Variants in CBFB observed in about 807,000 individuals in gnomAD.
The protein encoded by CBFB is CBF-beta.
Under a neutral mutation model 30.4 loss-of-function variants are expected in CBFB, and 9 were observed. The ratio of observed to expected loss-of-function variants is 0.30; its 90% CI spans 0.18 to 0.52. CBFB has a LOEUF of 0.52. CBFB is among the 20% of genes least tolerant of loss of function. The pLI is 0.97. For missense variants in CBFB, 170 were observed against 244.0 expected, an observed-to-expected ratio of 0.70 and a Z score of 2.02; for synonymous variants, 94 against 84.0, an observed-to-expected ratio of 1.12 and a Z score of -0.65.
At chr16:67,063,322 A>G (rs938430881) in intron 3 of CBFB, among the ~76,000 whole-genome samples, 1 of 152,122 alleles carries the variant, frequency 6.6e-6, no homozygotes, top group African/African-American at 2.4e-5. Context: ...TATTTTGGTT[A>G]TTTTCCAATA....
chr16:67,063,448 T>G lies in CBFB; in HGVS notation c.283-3234T>G, dbSNP rs144722528. ...AGGAAAGCATAAATTTTTATTTATT[T>G]TTTATTTTTTTGAGACAGAGTCTTG... On this transcript the variant is annotated intron_variant, in intron 3 of 5. Coordinates refer to ENST00000412916, the MANE Select transcript of CBFB (RefSeq NM_022845.3). Among the ~76,000 whole-genome samples the G allele has an allele frequency of 3.1e-3, 467 of 152,180 alleles. 7 individuals carry two copies. The highest frequency in any genetic ancestry group is 0.011 in the African/African-American group (440 of 41,470).
At position 67,029,436 on chromosome 16, in the gene CBFB, G is replaced by A. The variant is rs1966289958; in HGVS notation, c.29G>A (p.Ser10Asn). 1 of 1,588,372 alleles carries A rather than the reference G, an allele frequency of 6.3e-7. No homozygotes were observed. Among genetic ancestry groups the A allele is most frequent in the South Asian group, 1.1e-5 (1 of 87,984 alleles). MPRVVPDQRSKFENEEFFRK... is the reference protein window; with the variant it reads MPRVVPDQRNKFENEEFFRK... ...CCGCGCGTCGTGCCCGACCAGAGAA[G>A]CAAGTTCGAGAACGAGGAGTTTTTT... is the stretch of plus-strand genomic sequence containing the variant. The change falls in exon 1 of 6, where the codon AGC (serine) becomes AAC (asparagine). Residue 10 changes from serine to asparagine, a missense_variant. By Grantham distance (46) the Ser-to-Asn change is conservative (BLOSUM62 1). Transcript: ENST00000412916.
intron 3 of CBFB, among the ~76,000 whole-genome samples, chr16:67,065,544 T>C (rs114418642): frequency 0.036 from 5,547 of 152,282 alleles, 150 homozygotes; most frequent in South Asian, 0.078. Flanking sequence ...TTTTTTATTT[T>C]TATTTTTTTA....
chr16:67,060,008 T>C (rs1344177248), intron 3 of CBFB, among the ~76,000 whole-genome samples: 2 of 151,610 alleles, frequency 1.3e-5, no homozygotes, highest in Non-Finnish European at 2.9e-5. Context: ...AGAGTTTCGC[T>C]CTATATCCCA....
At chr16:67,076,156 G>A (rs1254540789) in intron 4 of CBFB, among the ~76,000 whole-genome samples, 1 of 152,118 alleles carries the variant, frequency 6.6e-6, no homozygotes, top group Non-Finnish European at 1.5e-5. Context: ...CTTGGACCCG[G>A]GAGGCAGAGG....
At chr16:67,074,602 C>T (rs1391358292) in intron 4 of CBFB, among the ~76,000 whole-genome samples, 1 of 151,968 alleles carries the variant, frequency 6.6e-6, no homozygotes, top group Middle Eastern at 3.2e-3. Context: ...ACGCTGGTCT[C>T]GATCTCTTGA....
At chr16:67,082,638 T>G (rs1005158129) in intron 5 of CBFB, among the ~76,000 whole-genome samples, 1 of 152,176 alleles carries the variant, frequency 6.6e-6, no homozygotes, top group African/African-American at 2.4e-5. Flanking sequence ...CAGCTTATGT[T>G]AACAGATTGC....
At chr16:67,072,857 A>C (rs1029983467) in intron 4 of CBFB, among the ~76,000 whole-genome samples, 15 of 151,812 alleles carry the variant, frequency 9.9e-5, no homozygotes, top group African/African-American at 3.1e-4. Context: ...TACAGCCTCA[A>C]GCTCCTGCCG....
chr16:67,036,795 GT>G (rs1966446222), intron 3 of CBFB, 40 bp downstream of exon 3: 1 of 1,118,942 alleles, frequency 8.9e-7, no homozygotes, highest in African/African-American at 1.5e-5. Flanking sequence ...ACTGTGGGTT[GT>G]TTTGTTAGAG....
intron 3 of CBFB, among the ~76,000 whole-genome samples, chr16:67,059,989 T>G (rs956289115): frequency 3.4e-5 from 5 of 149,030 alleles, no homozygotes; most frequent in Non-Finnish European, 7.4e-5. Flanking sequence ...TTTTTTTTTT[T>G]GTTGAGACAG....
chr16:67,098,454 T>G (rs1962119367), intron 5 of CBFB, among the ~76,000 whole-genome samples: 1 of 152,208 alleles, frequency 6.6e-6, no homozygotes, highest in Admixed American at 6.5e-5. Flanking sequence ...TGTTGTTATT[T>G]CTTATGTAGT....
chr16:67,034,450 T>C lies in CBFB; in HGVS notation c.166-2189T>C, dbSNP rs144511668. Among the ~76,000 whole-genome samples, 32 of 152,336 alleles carry C rather than the reference T, an allele frequency of 2.1e-4. 2 individuals are homozygous for C. The East Asian group carries it at 6.0e-3, about 28-fold the overall frequency. On this transcript the variant is annotated intron_variant, in intron 2 of 5. Coordinates refer to ENST00000412916, the MANE Select transcript of CBFB (RefSeq NM_022845.3). ...TTCCTATGACGATGTTGACACCATA[T>C]TAATATTTTGGAACAGACTTTTTCC... is the stretch of plus-strand genomic sequence containing the variant.
chr16:67,085,835 G>A (rs1427137871), intron 5 of CBFB, among the ~76,000 whole-genome samples: 1 of 151,604 alleles, frequency 6.6e-6, no homozygotes, highest in Non-Finnish European at 1.5e-5. Flanking sequence ...CCGCCACCAT[G>A]CCCGGCTAAT....
chr16:67,059,903 A>T lies in CBFB; in HGVS notation c.283-6779A>T, dbSNP rs368977220. 1.3e-5 allele frequency among the ~76,000 whole-genome samples: 2 copies of T among 152,140 alleles called. 1 individual carries two copies. The highest frequency in any genetic ancestry group is 1.3e-4 in the Admixed American group (2 of 15,270). On this transcript the variant is annotated intron_variant, in intron 3 of 5. Coordinates refer to ENST00000412916, the MANE Select transcript of CBFB (RefSeq NM_022845.3). ...CTGCCTCCTCAAAATCTTGATTTGG[A>T]TATCTCATAGATATCCCTTATATGT...
At chr16:67,058,128 G>GGTTGTTGTT (rs59958780) in intron 3 of CBFB, among the ~76,000 whole-genome samples, 4,142 of 151,420 alleles carry the variant, frequency 0.027, 86 homozygotes, top group South Asian at 0.047. Flanking sequence ...TATTCAAATC[G>GGTTGTTGTT]GTTGTTGTTG....
intron 4 of CBFB, among the ~76,000 whole-genome samples, chr16:67,075,197 ATGTGTGTGTGTGTGTGTG>A (rs57425666): frequency 2.1e-5 from 3 of 142,662 alleles, no homozygotes; most frequent in African/African-American, 7.7e-5. Context: ...CTCAAAAAAA[ATGTGTGTGTGTGTGTGTG>A]TGTGTGTGTG....
chr16:67,096,061 C>G (rs1962038193), intron 5 of CBFB, among the ~76,000 whole-genome samples: 2 of 151,356 alleles, frequency 1.3e-5, no homozygotes, highest in African/African-American at 2.4e-5. Context: ...GTAATCCCAG[C>G]ACTTTGGGGA....
At chr16:67,049,200 T>G (rs1192423714) in intron 3 of CBFB, among the ~76,000 whole-genome samples, 1 of 151,776 alleles carries the variant, frequency 6.6e-6, no homozygotes, top group Non-Finnish European at 1.5e-5. Context: ...CCATTTTATT[T>G]ATTTTTTATT....
In CBFB at chr16:67,036,599, G is replaced by A. The variant is rs1451176593; in HGVS notation, c.166-40G>A. ...TGACTGCTTGCATAATTTATGTAATGTCCTGCTCCTGATCCTGTTTGTATT... is the reference window on the plus strand; with the variant it reads ...TGACTGCTTGCATAATTTATGTAATATCCTGCTCCTGATCCTGTTTGTATT... On this transcript the variant is annotated intron_variant, in intron 2 of 5. Transcript: ENST00000412916. 9 of 1,108,060 alleles carry A rather than the reference G, an allele frequency of 8.1e-6. No individual in the cohort carries two copies. In the East Asian group the frequency reaches 1.4e-4, roughly 17 times the overall value. 68.6% of individuals were successfully genotyped at this position (1,108,060 alleles called of 1,614,324 possible).
Sources: gnomAD v4.1 joint callset for allele counts (sites outside exome capture counted in the v4.1 genomes callset) on GRCh38, gnomAD v4.1.1 for gene constraint, MANE v1.5 for transcripts, NCBI Gene and HGNC (gene_info 2026-07-23, HGNC 2026-07-21) for gene names.